ARHGEF28: variants seen among roughly 807,000 people sequenced by gnomAD.
ARHGEF28 encodes the protein 190 kDa guanine nucleotide exchange factor.
In ARHGEF28, 152 loss-of-function variants were observed where a neutral mutation model predicts 206.6. That is an observed-to-expected ratio of 0.74 (90% CI 0.64 to 0.84). ARHGEF28 has a LOEUF of 0.84. ARHGEF28 is among the 40% of genes least tolerant of loss of function. The pLI, the probability that ARHGEF28 is intolerant of heterozygous loss-of-function variation, is 0.00. For synonymous variants in ARHGEF28, 763 were observed against 776.4 expected, an observed-to-expected ratio of 0.98 and a Z score of 0.29; for missense variants, 2,028 against 2,073.2, an observed-to-expected ratio of 0.98 and a Z score of 0.42.
At chr5:73,851,406 C>CTTTTTTTTTTTTT (rs77725087) in intron 13 of ARHGEF28, among the ~76,000 whole-genome samples, 1 of 139,334 alleles carries the variant, frequency 7.2e-6, no homozygotes, top group Non-Finnish European at 1.6e-5. Context: ...TCTCATGCGT[C>CTTTTTTTTTTTTT]TTTTTTTTTT....
rs375340502 is a variant in ARHGEF28, at chr5:73,892,083, A to G, written c.3419A>G (p.Lys1140Arg). 3.7e-6 allele frequency: 6 copies of G among 1,601,804 alleles called. No homozygotes were observed. Among genetic ancestry groups the G allele is most frequent in the Non-Finnish European group, 5.1e-6 (6 of 1,173,656 alleles). The change falls in exon 27 of 36, where the codon AAG becomes AGG. Residue 1140 changes from lysine to arginine, a missense_variant. Physicochemically the swap from Lys to Arg is conservative, Grantham distance 26 (BLOSUM62 2). Transcript: ENST00000513042. ...AAGCCATCAGTTATTTCCCTTCAAA[A>G]GCTTATTGCTAGAGAAGTTGCTAAT... ...DQKPSVISLQ[K>R]LIAREVANEE...
intron 2 of ARHGEF28, among the ~76,000 whole-genome samples, chr5:73,714,419 G>A (rs1176349670): frequency 3.3e-5 from 5 of 152,140 alleles, no homozygotes; most frequent in Admixed American, 2.0e-4. Context: ...GTCCATCCCC[G>A]GGAGGCACTA....
intron 22 of ARHGEF28, among the ~76,000 whole-genome samples, chr5:73,879,621 G>C: frequency 6.6e-6 from 1 of 152,176 alleles, no homozygotes; most frequent in Non-Finnish European, 1.5e-5. Context: ...CGTCCTTTCT[G>C]TTTGTTAGTT....
At chr5:73,838,780 G>A (rs1242999960) in intron 10 of ARHGEF28, among the ~76,000 whole-genome samples, 2 of 152,108 alleles carry the variant, frequency 1.3e-5, no homozygotes, top group African/African-American at 2.4e-5. Flanking sequence ...TCTTACGTAA[G>A]CACAGTACAG....
rs1364088191 is a variant in ARHGEF28, at chr5:73,873,248, T to A, written c.2814+2T>A. 1.9e-6 allele frequency: 3 copies of A among 1,606,956 alleles called. No homozygotes were observed. The African/African-American group carries it at 4.0e-5, about 21-fold the overall frequency. ...ATTGGAGATATTTTGGTACAACAGG[T>A]AAGAAGAGCTTAAAGTCCTTGACCT... is the stretch of plus-strand genomic sequence containing the variant. On this transcript the variant is annotated splice_donor_variant, in intron 22 of 35. Transcript: ENST00000513042. LOFTEE classifies it high-confidence loss of function.
intron 1 of ARHGEF28, among the ~76,000 whole-genome samples, chr5:73,670,478 G>A (rs75884899): frequency 1.9e-3 from 288 of 152,152 alleles, no homozygotes; most frequent in African/African-American, 6.0e-3. Context: ...ATCATGTACA[G>A]GTTTTTGTGT....
intron 2 of ARHGEF28, among the ~76,000 whole-genome samples, chr5:73,731,989 C>A (rs1463958595): frequency 6.6e-6 from 1 of 151,258 alleles, no homozygotes; most frequent in Non-Finnish European, 1.5e-5. Flanking sequence ...CCACATCCCC[C>A]ACCAGGAATA....
intron 2 of ARHGEF28, among the ~76,000 whole-genome samples, chr5:73,685,896 C>T (rs1314726031): frequency 6.6e-6 from 1 of 152,212 alleles, no homozygotes; most frequent in Non-Finnish European, 1.5e-5. Flanking sequence ...GCTGGGATTA[C>T]AGGCATGAGC....
chr5:73,830,932 C>A (rs1757257383), intron 9 of ARHGEF28, among the ~76,000 whole-genome samples: 3 of 152,030 alleles, frequency 2.0e-5, no homozygotes, highest in Non-Finnish European at 4.4e-5. Context: ...TTCCTATGTA[C>A]CTATTCAAGA....
rs1294314211 is a variant in ARHGEF28 at position 73,666,812 on chromosome 5, T to C, written c.-11-18029T>C. Among the ~76,000 whole-genome samples the C allele has an allele frequency of 3.3e-5, 5 of 152,302 alleles. No individual in the cohort carries two copies. The East Asian group carries it at 5.8e-4, about 18-fold the overall frequency. ...GCTAAGTGAGGTGGCTGAATATATA[T>C]ATTCAATAAGCTACAGGAGAAGTTA... On this transcript the variant is annotated intron_variant, in intron 1 of 35. Transcript: ENST00000513042.
At chr5:73,770,343 T>C (rs1298356464) in intron 4 of ARHGEF28, among the ~76,000 whole-genome samples, 1 of 152,228 alleles carries the variant, frequency 6.6e-6, no homozygotes, top group Non-Finnish European at 1.5e-5. Flanking sequence ...ACTCCTGTTA[T>C]GCAGTAAGGA....
At chr5:73,898,119 A>G (rs1423032618) in intron 30 of ARHGEF28, 26 bp downstream of exon 30, 11 of 1,606,906 alleles carry the variant, frequency 6.8e-6, no homozygotes, top group Non-Finnish European at 8.5e-6. Context: ...GGCCTTGGCA[A>G]TGAGCCTGAG....
In ARHGEF28 at chr5:73,873,163, A is replaced by G; in HGVS notation, c.2731A>G (p.Met911Val). ...LEIHRHFFYSMKERRQESCAG... is the reference protein window; with the variant it reads ...LEIHRHFFYSVKERRQESCAG... ...AATCCACAGGCATTTCTTCTACAGT[A>G]TGAAGGAACGAAGGCAGGAATCCTG... Residue 911 changes from methionine (M) to valine (V), a missense_variant, in exon 22 of 36, where the codon ATG becomes GTG. By Grantham distance (21) the Met-to-Val change is conservative. Around this residue, in one of 3 missense-constraint regions of ARHGEF28, gnomAD observed 223 missense variants for 289.9 expected, o/e 0.77. Coordinates refer to ENST00000513042, the MANE Select transcript of ARHGEF28 (RefSeq NM_001177693.2). 6.2e-7 allele frequency: 1 copy of G among 1,612,754 alleles called. No individual in the cohort carries two copies. The highest frequency in any genetic ancestry group is 8.5e-7 in the Non-Finnish European group (1 of 1,179,426).
rs183531834 is a variant in ARHGEF28 at position 73,882,042 on chromosome 5, G to C, written c.2815-430G>C. Among the ~76,000 whole-genome samples the C allele has an allele frequency of 3.4e-3, 522 of 151,380 alleles. 2 individuals carry two copies. The highest frequency in any genetic ancestry group is 6.8e-3 in the Middle Eastern group (2 of 292). On this transcript the variant is annotated intron_variant, in intron 22 of 35. Transcript: ENST00000513042. ...AAATGCCAAATGGGTGATTTTTTTG[G>C]GGGGGAGGTTAGCCAAAGTAAATGT...
At chr5:73,656,232 T>G (rs1326203695) in intron 1 of ARHGEF28, among the ~76,000 whole-genome samples, 1 of 152,194 alleles carries the variant, frequency 6.6e-6, no homozygotes, top group Non-Finnish European at 1.5e-5. Flanking sequence ...AGAGAGTACC[T>G]CAGTAAAGGA....
At chr5:73,694,513 A>T (rs921857571) in intron 2 of ARHGEF28, among the ~76,000 whole-genome samples, 1 of 152,380 alleles carries the variant, frequency 6.6e-6, no homozygotes, top group East Asian at 1.9e-4. Flanking sequence ...GATTTTAGGC[A>T]TGATGGAAAT....
intron 4 of ARHGEF28, among the ~76,000 whole-genome samples, chr5:73,763,478 A>G (rs1234366820): frequency 1.3e-5 from 2 of 152,194 alleles, no homozygotes; most frequent in Non-Finnish European, 2.9e-5. Flanking sequence ...TGCAGACTTC[A>G]AAGGGCCATC....
At chr5:73,935,051 A>T (rs550932960) in intron 35 of ARHGEF28, among the ~76,000 whole-genome samples, 24 of 152,312 alleles carry the variant, frequency 1.6e-4, no homozygotes, top group Non-Finnish European at 3.4e-4. Flanking sequence ...GATGTACTGT[A>T]TCATATCTCC....
chr5:73,675,732 CAAAAAAAAAAAAAA>C (rs35836692), intron 1 of ARHGEF28, among the ~76,000 whole-genome samples: 4 of 49,662 alleles, frequency 8.1e-5, no homozygotes, highest in Admixed American at 6.6e-4. Flanking sequence ...GACTCTGTCT[CAAAAAAAAAAAAAA>C]AAAAAAAAGA....
Sources: gnomAD v4.1 joint callset for allele counts (sites outside exome capture counted in the v4.1 genomes callset) on GRCh38, gnomAD v4.1.1 for gene constraint, gnomAD v4.1.1 regional missense constraint, MANE v1.5 for transcripts, NCBI Gene and HGNC (gene_info 2026-07-23, HGNC 2026-07-21) for gene names.